ARHGEF17: variants seen among roughly 807,000 people sequenced by gnomAD.
ARHGEF17 encodes the protein Rho guanine nucleotide exchange factor 17.
Under a neutral mutation model 174.0 loss-of-function variants are expected in ARHGEF17, and 80 were observed. That is an observed-to-expected ratio of 0.46 (90% confidence interval 0.38 to 0.55). The LOEUF (loss-of-function observed/expected upper bound fraction) is 0.55. ARHGEF17 is among the 20% of genes least tolerant of loss of function. The pLI is 0.00. For synonymous variants in ARHGEF17, 1,311 were observed against 1,189.1 expected (o/e 1.10, Z -2.11); for missense variants, 2,886 against 2,839.7 (o/e 1.02, Z -0.37).
intron 1 of ARHGEF17, among the ~76,000 whole-genome samples, chr11:73,334,615 C>T (rs1865258542): frequency 6.6e-6 from 1 of 152,198 alleles, no homozygotes; most frequent in Admixed American, 6.5e-5. Context: ...GCTCTGGCCC[C>T]CTCCTTCCTG....
chr11:73,322,352 A>C (rs1200371984), intron 1 of ARHGEF17, among the ~76,000 whole-genome samples: 1 of 152,176 alleles, frequency 6.6e-6, no homozygotes, highest in Non-Finnish European at 1.5e-5. Flanking sequence ...AGAACTGTCT[A>C]CCTGGAAAGA....
At chr11:73,346,850 ACCC>A in intron 1 of ARHGEF17, 30 bp from the exon 2 acceptor site, 1 of 1,425,788 alleles carries the variant, frequency 7.0e-7, no homozygotes, top group South Asian at 1.6e-5. Flanking sequence ...GGGGAAAAAG[ACCC>A]CTGTTCACCC....
At chr11:73,317,894 C>T (rs1371783701) in intron 1 of ARHGEF17, among the ~76,000 whole-genome samples, 5 of 152,170 alleles carry the variant, frequency 3.3e-5, no homozygotes. Context: ...GGACCCAACC[C>T]TCCAGTAGCT....
At chr11:73,317,565 G>T (rs1344700614) in intron 1 of ARHGEF17, among the ~76,000 whole-genome samples, 2 of 152,234 alleles carry the variant, frequency 1.3e-5, no homozygotes, top group Non-Finnish European at 2.9e-5. Context: ...AAGGCTTGAA[G>T]CCCTGGCGTA....
At chr11:73,329,749 C>T (rs1477123090) in intron 1 of ARHGEF17, among the ~76,000 whole-genome samples, 1 of 152,174 alleles carries the variant, frequency 6.6e-6, no homozygotes, top group African/African-American at 2.4e-5. Flanking sequence ...GAATACCAAA[C>T]TATGCAACCA....
At position 73,309,825 on chromosome 11, in the gene ARHGEF17, C is replaced by T. The variant is rs1455976894; in HGVS notation, c.1187C>T (p.Thr396Met). Residue 396 changes from threonine to methionine, a missense_variant, in exon 1 of 21, where the codon ACG (threonine) becomes ATG (methionine). By Grantham distance (81) the Thr-to-Met change is moderately conservative. This residue lies in a region of ARHGEF17 where 1,728 missense variants were observed against 1,461.2 expected (regional missense o/e 1.18). Transcript: ENST00000263674. ...CGCGGTAGCAGCCGTTATTCCAGCA[C>T]GGAGACCCTCAAGGACGACGACCTA... ...GSRGSSRYSS[T>M]ETLKDDDLWS... 1 of 1,613,170 alleles carries T rather than the reference C, an allele frequency of 6.2e-7. No individual in the cohort carries two copies. Among genetic ancestry groups the T allele is most frequent in the Non-Finnish European group, 8.5e-7 (1 of 1,180,022 alleles).
In ARHGEF17 at chr11:73,364,236, G is replaced by A. The variant is rs1419416954; in HGVS notation, c.5398G>A (p.Ala1800Thr). ...NGELVVYQRE[A>T]GHFWDPQNFK... Reference sequence around the variant, plus strand: ...AGAGCTTGTGGTCTACCAAAGGGAAGCAGGTGAGTATCTGCCCTCCCCCAC... The same window carrying A: ...AGAGCTTGTGGTCTACCAAAGGGAAACAGGTGAGTATCTGCCCTCCCCCAC... Residue 1800 changes from alanine (A) to threonine (T), a missense_variant, in exon 17 of 21, where the codon GCA becomes ACA. Transcript: ENST00000263674. 11 of 1,614,040 alleles carry A rather than the reference G, an allele frequency of 6.8e-6. No homozygotes were observed. In the East Asian group the frequency reaches 2.2e-4, roughly 33 times the overall value.
intron 12 of ARHGEF17, among the ~76,000 whole-genome samples, 192 bp downstream of exon 12, chr11:73,361,353 C>T (rs916571885): frequency 1.3e-5 from 2 of 152,130 alleles, no homozygotes; most frequent in African/African-American, 4.8e-5. Flanking sequence ...GGGTATGCTT[C>T]GTGCATATCT....
rs1040762561 is a variant in ARHGEF17 at position 73,343,722 on chromosome 11, G to A, written c.3193-3161G>A. Among the ~76,000 whole-genome samples the A allele has an allele frequency of 3.3e-5, 5 of 152,066 alleles. No homozygotes were observed. The East Asian group carries it at 7.8e-4, about 24-fold the overall frequency. ...CTGCGGTGGGAACAGCAGCGTCCCCGTTCTCGCTCAGTGTGTGTACCCCTG... is the reference window on the plus strand; with the variant it reads ...CTGCGGTGGGAACAGCAGCGTCCCCATTCTCGCTCAGTGTGTGTACCCCTG... On this transcript the variant is annotated intron_variant, in intron 1 of 20. Transcript: ENST00000263674.
chr11:73,359,851 A>C lies in ARHGEF17; in HGVS notation c.4105A>C (p.Asn1369His), dbSNP rs1207922356. ...DIIKGASQAT[N>H]RENIQKAISR... Reference sequence around the variant, plus strand: ...CCCTCTAGGGGCATCCCAAGCCACCAATCGGGAGAACATCCAGAAGGCCAT... The same window carrying C: ...CCCTCTAGGGGCATCCCAAGCCACCCATCGGGAGAACATCCAGAAGGCCAT... Residue 1369 changes from asparagine (N) to histidine (H), a missense_variant, in exon 10 of 21, where the codon AAT (asparagine) becomes CAT (histidine). By Grantham distance (68) the Asn-to-His change is moderately conservative (BLOSUM62 1). Transcript: ENST00000263674. The C allele has an allele frequency of 3.1e-6, 5 of 1,611,296 alleles. No individual in the cohort carries two copies. The Middle Eastern group carries it at 5.0e-4, about 160-fold the overall frequency.
intron 1 of ARHGEF17, among the ~76,000 whole-genome samples, chr11:73,324,715 G>A (rs1359880955): frequency 6.6e-6 from 1 of 152,224 alleles, no homozygotes; most frequent in Non-Finnish European, 1.5e-5. Context: ...CCTGAGTTGG[G>A]GGCAGTGCCA....
intron 16 of ARHGEF17, 98 bp downstream of exon 16, chr11:73,363,931 T>A: frequency 2.3e-6 from 3 of 1,333,078 alleles, no homozygotes; most frequent in Non-Finnish European, 3.2e-6. Flanking sequence ...CTGTCCCTCC[T>A]CTGTGTGGAG....
At chr11:73,321,199 G>C (rs1591724381) in intron 1 of ARHGEF17, among the ~76,000 whole-genome samples, 1 of 152,232 alleles carries the variant, frequency 6.6e-6, no homozygotes, top group East Asian at 1.9e-4. Context: ...TTCTCTGGAG[G>C]TGGGGAGGAG....
At position 73,309,751 on chromosome 11, in the gene ARHGEF17, T is replaced by C. The variant is rs755320602; in HGVS notation, c.1113T>C (p.Arg371=). 3 of 1,612,662 alleles carry C rather than the reference T, an allele frequency of 1.9e-6. No homozygotes were observed. Among genetic ancestry groups the C allele is most frequent in the African/African-American group, 2.7e-5 (2 of 74,910 alleles). ...PMSDSVGGAF[R]VAKVSFPSYL... is the part of the protein sequence containing the mutation. ...CTGACTCTGTGGGAGGAGCTTTCCGTGTGGCCAAGGTGAGCTTTCCCTCGT... is the reference window on the plus strand; with the variant it reads ...CTGACTCTGTGGGAGGAGCTTTCCGCGTGGCCAAGGTGAGCTTTCCCTCGT... The change falls in exon 1 of 21, where the codon CGT becomes CGC. Residue 371 remains arginine, a synonymous_variant. Coordinates refer to ENST00000263674, the MANE Select transcript of ARHGEF17 (RefSeq NM_014786.4).
intron 1 of ARHGEF17, among the ~76,000 whole-genome samples, chr11:73,334,595 G>A (rs1565195900): frequency 6.6e-6 from 1 of 152,176 alleles, no homozygotes; most frequent in Non-Finnish European, 1.5e-5. Flanking sequence ...TTTATCTTCA[G>A]CCGAGGCAGG....
intron 4 of ARHGEF17, 59 bp from the exon 5 acceptor site, chr11:73,355,802 C>T (rs1865627832): frequency 6.2e-7 from 1 of 1,605,884 alleles, no homozygotes; most frequent in Non-Finnish European, 8.5e-7. Flanking sequence ...GGGACCTGTC[C>T]CTGGACATAG....
chr11:73,315,712 C>T (rs779157529), intron 1 of ARHGEF17, among the ~76,000 whole-genome samples: 9 of 152,130 alleles, frequency 5.9e-5, no homozygotes, highest in Non-Finnish European at 1.2e-4. Flanking sequence ...TTCCTCACAT[C>T]TCCTCCCAAC....
intron 1 of ARHGEF17, among the ~76,000 whole-genome samples, chr11:73,314,798 C>A (rs1313512535): frequency 6.6e-6 from 1 of 152,036 alleles, no homozygotes; most frequent in African/African-American, 2.4e-5. Flanking sequence ...GGTTGGTCAA[C>A]AACTCTTCCT....
intron 2 of ARHGEF17, among the ~76,000 whole-genome samples, chr11:73,348,607 G>T (rs1225505877): frequency 6.6e-6 from 1 of 152,174 alleles, no homozygotes; most frequent in Admixed American, 6.6e-5. Context: ...GCCAGGGAAA[G>T]GGTGCCAGGC....
Sources: gnomAD v4.1 joint callset for allele counts (sites outside exome capture counted in the v4.1 genomes callset) on GRCh38, gnomAD v4.1.1 for gene constraint, gnomAD v4.1.1 regional missense constraint, MANE v1.5 for transcripts, NCBI Gene and HGNC (gene_info 2026-07-23, HGNC 2026-07-21) for gene names.